LRP5: variants seen among roughly 807,000 people sequenced by gnomAD.
The protein encoded by LRP5 is LDL receptor related protein 5, also known as low-density lipoprotein receptor-related protein 5.
Under a neutral mutation model 154.1 loss-of-function variants are expected in LRP5, and 62 were observed. That is an observed-to-expected ratio of 0.40 (90% CI 0.33 to 0.50). LRP5 has a LOEUF of 0.50. Ranked by LOEUF, LRP5 falls within the 20% of genes least tolerant of loss-of-function variation. The probability of loss-of-function intolerance (pLI) is 0.55; values close to 1 mark genes in which losing one functional copy is unlikely to be tolerated. For synonymous variants in LRP5, 966 were observed against 1,011.5 expected, an observed-to-expected ratio of 0.96 and a Z score of 0.85; for missense variants, 1,915 against 2,336.7, an observed-to-expected ratio of 0.82 and a Z score of 3.72.
chr11:68,411,646 G>GT (rs769597127), intron 11 of LRP5, 26 bp downstream of exon 11: 8 of 1,595,436 alleles, frequency 5.0e-6, no homozygotes. Flanking sequence ...GGGCCTTCTG[G>GT]TCATGGAGGG....
At chr11:68,342,925 G>A (rs571733052) in intron 1 of LRP5, among the ~76,000 whole-genome samples, 5 of 152,362 alleles carry the variant, frequency 3.3e-5, no homozygotes, top group South Asian at 4.1e-4. Context: ...TGCCTCCCTC[G>A]GCTGGGCTGG....
chr11:68,433,855 C>G lies in LRP5; in HGVS notation c.4000+17C>G. The G allele has an allele frequency of 6.2e-7, 1 of 1,606,906 alleles. No individual in the cohort carries two copies. The highest frequency in any genetic ancestry group is 1.7e-4 in the Middle Eastern group (1 of 5,880). The stretch of plus-strand genomic sequence containing the variant: ...ACTGTGACGGTGAGGCCCTCCCCGT[C>G]AAGGCTCTGCCAAGACCCTGGCCCT... On this transcript the variant is annotated intron_variant, in intron 18 of 22. Transcript: ENST00000294304.
Position 68,447,984 on chromosome 11 carries a change from A to G in LRP5, c.4587-825A>G, listed in dbSNP as rs981383147. ...ATTAGCCTGTTCTCACGCTGCTAAT[A>G]AAGACATACCCAAGACTGGGTAATT... On this transcript the variant is annotated intron_variant, in intron 22 of 22. Coordinates refer to ENST00000294304, the MANE Select transcript of LRP5 (RefSeq NM_002335.4). The surrounding 1 kb of genome is among the most constrained non-coding windows in gnomAD (Gnocchi z 4.3). Among the ~76,000 whole-genome samples the G allele has an allele frequency of 3.9e-5, 6 of 152,200 alleles. No homozygotes were observed. Among genetic ancestry groups the G allele is most frequent in the Non-Finnish European group, 8.8e-5 (6 of 68,042 alleles).
At chr11:68,333,158 A>G (rs1391741938) in intron 1 of LRP5, among the ~76,000 whole-genome samples, 3 of 152,166 alleles carry the variant, frequency 2.0e-5, no homozygotes, top group Admixed American at 6.5e-5. Flanking sequence ...AGACGCGTAG[A>G]TGTTGAATAC....
intron 1 of LRP5, among the ~76,000 whole-genome samples, chr11:68,323,218 C>T (rs908316515): frequency 2.0e-5 from 3 of 152,178 alleles, no homozygotes; most frequent in Non-Finnish European, 4.4e-5. Flanking sequence ...AAGCAGTTCT[C>T]CTGCCTCAGC....
At chr11:68,338,699 G>A (rs1178176787) in intron 1 of LRP5, among the ~76,000 whole-genome samples, 1 of 152,112 alleles carries the variant, frequency 6.6e-6, no homozygotes, top group Non-Finnish European at 1.5e-5. Context: ...ATTGAAGAAA[G>A]TGTTCTACGC....
At chr11:68,384,331 G>A (rs1342089389) in intron 5 of LRP5, among the ~76,000 whole-genome samples, 1 of 152,156 alleles carries the variant, frequency 6.6e-6, no homozygotes, top group Admixed American at 6.5e-5. Context: ...TGGCTGCAGG[G>A]CCAGGTCTAG....
Position 68,439,792 on chromosome 11 carries a change from A to T in LRP5, c.4364A>T (p.Lys1455Met). ...TCCCTGCCAGGCATCGCATGCGGAA[A>T]GTCCATGATGAGCTCCGTGAGCCTG... The part of the protein sequence containing the change: ...HGPFTGIACG[K>M]SMMSSVSLMG... Residue 1455 changes from lysine to methionine, a missense_variant, in exon 21 of 23, where the codon AAG (lysine) becomes ATG (methionine). Around this residue, in one of 3 missense-constraint regions of LRP5, gnomAD observed 1,094 missense variants for 1,210.1 expected, o/e 0.90. Transcript: ENST00000294304. 6.2e-7 allele frequency: 1 copy of T among 1,611,686 alleles called. No individual in the cohort carries two copies. The highest frequency in any genetic ancestry group is 8.5e-7 in the Non-Finnish European group (1 of 1,179,618).
intron 12 of LRP5, 35 bp downstream of exon 12, chr11:68,414,047 T>C: frequency 6.3e-7 from 1 of 1,579,474 alleles, no homozygotes; most frequent in East Asian, 2.3e-5. Context: ...CCTCACTCCC[T>C]CGTTAGATCA....
At chr11:68,406,392 C>T (rs2098655661) in intron 8 of LRP5, 132 bp from the exon 9 acceptor site, 4 of 968,326 alleles carry the variant, frequency 4.1e-6, no homozygotes, top group Non-Finnish European at 6.7e-6. Flanking sequence ...CGGACCTGAC[C>T]CGGGGGTGAG....
At chr11:68,375,274 G>A (rs665508) in intron 5 of LRP5, among the ~76,000 whole-genome samples, 133,886 of 152,236 alleles carry the variant, frequency 0.88, 61,264 homozygotes, top group East Asian at 1. Context: ...CGGCCCCTGG[G>A]CCCCAAGTCT....
chr11:68,347,922 C>G lies in LRP5; in HGVS notation c.167C>G (p.Thr56Ser). Residue 56 changes from threonine (T) to serine (S), a missense_variant, in exon 2 of 23, where the codon ACC (threonine) becomes AGC (serine). By Grantham distance (58) the Thr-to-Ser change is moderately conservative (BLOSUM62 1). Coordinates refer to ENST00000294304, the MANE Select transcript of LRP5 (RefSeq NM_002335.4). Reference protein sequence around the residue: ...VDAGGVKLESTIVVSGLEDAA... With the variant: ...VDAGGVKLESSIVVSGLEDAA... ...GCCGGCGGAGTCAAGCTGGAGTCCA[C>G]CATCGTGGTCAGCGGCCTGGAGGAT... is the stretch of plus-strand genomic sequence containing the variant. 4 of 1,613,728 alleles carry G rather than the reference C, an allele frequency of 2.5e-6. No homozygotes were observed. The highest frequency in any genetic ancestry group is 3.4e-6 in the Non-Finnish European group (4 of 1,180,034).
chr11:68,438,786 T>C, intron 20 of LRP5, 104 bp downstream of exon 20: 2 of 952,992 alleles, frequency 2.1e-6, no homozygotes, highest in African/African-American at 1.6e-5. Context: ...CTCTTGCACA[T>C]GTGGCAGACA....
the LRP5 span, among the ~76,000 whole-genome samples, chr11:68,298,498 C>A: frequency 2.0e-5 from 3 of 152,164 alleles, no homozygotes; most frequent in Non-Finnish European, 4.4e-5. Context: ...TTTTGCCAGG[C>A]TCCCCCAAAC....
chr11:68,370,622 C>T (rs1442885534), intron 5 of LRP5, among the ~76,000 whole-genome samples: 17 of 152,196 alleles, frequency 1.1e-4, no homozygotes, highest in Non-Finnish European at 1.5e-4. Context: ...CGCAGCTCCA[C>T]GCTCCCTAGA....
intron 3 of LRP5, 107 bp downstream of exon 3, chr11:68,357,954 G>A (rs2098624603): frequency 9.1e-7 from 1 of 1,100,662 alleles, no homozygotes. Flanking sequence ...GAAACTCTGG[G>A]GCCCTGAGGA....
At chr11:68,432,760 C>T (rs2098672669) in intron 17 of LRP5, among the ~76,000 whole-genome samples, 1 of 152,196 alleles carries the variant, frequency 6.6e-6, no homozygotes, top group Non-Finnish European at 1.5e-5. Context: ...CACCTCGAAG[C>T]CTAGGCCTCC....
chr11:68,384,492 A>C (rs1204115167), intron 5 of LRP5, among the ~76,000 whole-genome samples: 1 of 152,178 alleles, frequency 6.6e-6, no homozygotes, highest in African/African-American at 2.4e-5. Flanking sequence ...TTGAGACCAG[A>C]AAGGTCTGGA....
At chr11:68,391,763 C>T (rs75707765) in intron 7 of LRP5, among the ~76,000 whole-genome samples, 1,851 of 152,346 alleles carry the variant, frequency 0.012, 34 homozygotes, top group African/African-American at 0.042. Flanking sequence ...CACGCATCCC[C>T]GCTACCCGTG....
Sources: gnomAD v4.1 joint callset for allele counts (sites outside exome capture counted in the v4.1 genomes callset) on GRCh38, gnomAD v4.1.1 for gene constraint, gnomAD v4.1.1 regional missense constraint, Gnocchi (gnomAD v3.1) non-coding constraint, MANE v1.5 for transcripts, NCBI Gene and HGNC (gene_info 2026-07-23, HGNC 2026-07-21) for gene names.